The following DLGAP1 variants were observed in gnomAD, a reference collection of about 807,000 sequenced individuals.
DLGAP1 encodes disks large-associated protein 1.
In DLGAP1, 11 loss-of-function variants were observed where a neutral mutation model predicts 90.8. The observed-to-expected ratio is 0.12, with a 90% confidence interval of 0.08 to 0.20. DLGAP1 has a LOEUF of 0.20. Ranked by LOEUF, DLGAP1 falls within the 10% of genes least tolerant of loss-of-function variation. DLGAP1 has a pLI of 1.00. For missense variants in DLGAP1, 1,050 were observed against 1,333.8 expected, an observed-to-expected ratio of 0.79 and a Z score of 3.31; for synonymous variants, 558 against 540.7, an observed-to-expected ratio of 1.03 and a Z score of -0.44.
At chr18:3,685,612 A>AT (rs1555628099) in intron 7 of DLGAP1, among the ~76,000 whole-genome samples, 2 of 145,930 alleles carry the variant, frequency 1.4e-5, no homozygotes, top group African/African-American at 5.2e-5. Context: ...GTACCCTTTA[A>AT]TTATTTATTT....
chr18:3,964,806 A>C (rs781122090), intron 3 of DLGAP1, among the ~76,000 whole-genome samples: 2 of 152,192 alleles, frequency 1.3e-5, no homozygotes, highest in Non-Finnish European at 2.9e-5. Flanking sequence ...TGGCACAAAA[A>C]CAGGAGAAGG....
At chr18:3,719,533 G>A (rs1361065346) in intron 7 of DLGAP1, among the ~76,000 whole-genome samples, 3 of 146,688 alleles carry the variant, frequency 2.0e-5, no homozygotes, top group Non-Finnish European at 3.0e-5. Context: ...CTCCAGCCTG[G>A]GCGACAGAGC....
At chr18:3,534,130 G>A (rs1377473517) in intron 10 of DLGAP1, 64 bp downstream of exon 10, 4 of 1,536,598 alleles carry the variant, frequency 2.6e-6, no homozygotes, top group Non-Finnish European at 3.5e-6. Context: ...AAACAACAAG[G>A]TCTGCACACA....
intron 4 of DLGAP1, among the ~76,000 whole-genome samples, chr18:3,818,479 C>A (rs1466009738): frequency 6.7e-6 from 1 of 149,838 alleles, no homozygotes; most frequent in Non-Finnish European, 1.5e-5. Context: ...CTTGCCTCAG[C>A]TTCTTGAGTA....
intron 8 of DLGAP1, among the ~76,000 whole-genome samples, chr18:3,575,938 C>T (rs1247735587): frequency 6.6e-6 from 1 of 152,190 alleles, no homozygotes; most frequent in African/African-American, 2.4e-5. Context: ...CAAGACTGCA[C>T]ACGGATCATG....
At chr18:3,627,717 G>A (rs1388038575) in intron 7 of DLGAP1, among the ~76,000 whole-genome samples, 1 of 152,004 alleles carries the variant, frequency 6.6e-6, no homozygotes, top group African/African-American at 2.4e-5. Flanking sequence ...CTGCAGTGCA[G>A]TGATGTAATC....
intron 7 of DLGAP1, among the ~76,000 whole-genome samples, chr18:3,629,499 G>A (rs1567863115): frequency 6.6e-6 from 1 of 151,756 alleles, no homozygotes; most frequent in Non-Finnish European, 1.5e-5. Context: ...CTGAAACCCT[G>A]TCTCTACTAA....
At chr18:4,112,006 T>C (rs1052360829) in intron 2 of DLGAP1, among the ~76,000 whole-genome samples, 2 of 151,556 alleles carry the variant, frequency 1.3e-5, no homozygotes, top group Admixed American at 6.6e-5. Flanking sequence ...TTTCCTAGCA[T>C]CTTAAGATGG....
At chr18:4,297,174 A>G (rs2080004448) in intron 1 of DLGAP1, among the ~76,000 whole-genome samples, 1 of 152,182 alleles carries the variant, frequency 6.6e-6, no homozygotes, top group Non-Finnish European at 1.5e-5. Flanking sequence ...CCAATTTTAT[A>G]AATGAGGCAC....
intron 10 of DLGAP1, among the ~76,000 whole-genome samples, chr18:3,519,912 A>G (rs1216942314): frequency 6.6e-6 from 1 of 152,190 alleles, no homozygotes; most frequent in Non-Finnish European, 1.5e-5. Flanking sequence ...GAGCATTAGG[A>G]CAAATACCTA....
chr18:3,810,525 A>G (rs2066779131), intron 5 of DLGAP1, among the ~76,000 whole-genome samples: 1 of 152,008 alleles, frequency 6.6e-6, no homozygotes, highest in South Asian at 2.1e-4. Flanking sequence ...TGAATTACTG[A>G]GGAGGAAGGA....
intron 5 of DLGAP1, among the ~76,000 whole-genome samples, chr18:3,813,464 G>A (rs11873906): frequency 0.73 from 111,508 of 152,038 alleles, 41,263 homozygotes; most frequent in African/African-American, 0.83. Context: ...ATGTAGCTCC[G>A]TCCTTAAATG....
chr18:4,365,066 T>A (rs766648057), intron 1 of DLGAP1, among the ~76,000 whole-genome samples: 3 of 152,148 alleles, frequency 2.0e-5, no homozygotes, highest in Non-Finnish European at 4.4e-5. Flanking sequence ...AAACCCTCCA[T>A]GGATCAAGGA....
At chr18:3,803,621 G>GA (rs1461973874) in intron 5 of DLGAP1, among the ~76,000 whole-genome samples, 1 of 152,116 alleles carries the variant, frequency 6.6e-6, no homozygotes, top group East Asian at 1.9e-4. Context: ...ACAGATGGTG[G>GA]AAACAGTCTC....
intron 2 of DLGAP1, among the ~76,000 whole-genome samples, chr18:4,069,372 A>G (rs2075413986): frequency 2.0e-5 from 3 of 152,184 alleles, no homozygotes; most frequent in South Asian, 4.1e-4. Flanking sequence ...TGTAAAGTGC[A>G]AGTCATACTG....
chr18:3,946,393 G>A (rs977476556), intron 3 of DLGAP1, among the ~76,000 whole-genome samples: 3 of 152,160 alleles, frequency 2.0e-5, no homozygotes, highest in African/African-American at 7.2e-5. Flanking sequence ...CAACTAATGT[G>A]TCAATGGTAT....
chr18:3,799,262 T>A (rs7229929), intron 5 of DLGAP1, among the ~76,000 whole-genome samples: 99,122 of 152,030 alleles, frequency 0.65, 32,450 homozygotes, highest in Middle Eastern at 0.68. Context: ...ATTTGTACAC[T>A]GTTCTGCCTT....
In DLGAP1 at chr18:3,932,675, A is replaced by G. The variant is rs377417487; in HGVS notation, c.-72-52535T>C. 1.9e-4 allele frequency among the ~76,000 whole-genome samples: 29 copies of G among 152,358 alleles called. No homozygotes were observed. The East Asian group carries it at 5.6e-3, about 29-fold the overall frequency. On this transcript the variant is annotated intron_variant, in intron 3 of 12. Transcript: ENST00000315677. ...TCAATCTATCTCATAGATAAAAAAC[A>G]TGAACAGGATCAGTGCAAAAACAAT...
At chr18:4,334,141 G>A (rs1361769740) in intron 1 of DLGAP1, among the ~76,000 whole-genome samples, 1 of 151,514 alleles carries the variant, frequency 6.6e-6, no homozygotes, top group Non-Finnish European at 1.5e-5. Context: ...GGGAAGCTGA[G>A]GCAGGAGACT....
Sources: gnomAD v4.1 joint callset for allele counts (sites outside exome capture counted in the v4.1 genomes callset) on GRCh38, gnomAD v4.1.1 for gene constraint, MANE v1.5 for transcripts, NCBI Gene and HGNC (gene_info 2026-07-23, HGNC 2026-07-21) for gene names.